NCOR2: variants seen among roughly 807,000 people sequenced by gnomAD.
The protein encoded by NCOR2 is nuclear receptor corepressor 2.
Under a neutral mutation model 262.9 loss-of-function variants are expected in NCOR2, and 81 were observed. That is an observed-to-expected ratio of 0.31 (90% CI 0.26 to 0.37). The LOEUF (loss-of-function observed/expected upper bound fraction) is 0.37, where lower values mean the gene tolerates loss of function less well. Among genes scored for constraint, NCOR2 ranks in the 10% least tolerant of loss-of-function variants. The pLI is 1.00. For synonymous variants in NCOR2, 1,659 were observed against 1,559.3 expected (o/e 1.06, Z -1.51); for missense variants, 3,385 against 3,621.4 (o/e 0.93, Z 1.68).
At chr12:124,370,232 G>A (rs1034317730) in intron 20 of NCOR2, among the ~76,000 whole-genome samples, 1 of 152,256 alleles carries the variant, frequency 6.6e-6, no homozygotes, top group African/African-American at 2.4e-5. Context: ...TCAGAAACCC[G>A]CAGGCCAGGC....
chr12:124,451,526 T>G (rs2045533461), intron 6 of NCOR2, among the ~76,000 whole-genome samples: 1 of 152,176 alleles, frequency 6.6e-6, no homozygotes, highest in African/African-American at 2.4e-5. Flanking sequence ...GGAAGGAGTC[T>G]GCTCCCCTCT....
exon 4 of NCOR2, chr12:124,473,080 G>T (rs1000023697): frequency 1.1e-5 from 18 of 1,613,928 alleles, no homozygotes; most frequent in Non-Finnish European, 1.5e-5. Flanking sequence ...GGGTCAGTGT[G>T]CGGGGGGCTG....
rs563944401 is a variant in NCOR2, at chr12:124,342,891, G to A, written c.4936+114C>T. 157 of 1,165,956 alleles carry A rather than the reference G, an allele frequency of 1.3e-4. 1 individual carries two copies. The South Asian group carries it at 2.1e-3, about 15-fold the overall frequency. 72.2% of individuals were successfully genotyped at this position (1,165,956 alleles called of 1,614,324 possible). On this transcript the variant is annotated intron_variant, in intron 33 of 46. Transcript: ENST00000405201. ...CTTCCAATCCCGAGGCCTCAGTTTC[G>A]CCATCCAGGGGAACCTGACAGTTGA...
chr12:124,385,861 A>T, exon 17 of NCOR2: 1 of 1,613,670 alleles, frequency 6.2e-7, no homozygotes, highest in South Asian at 1.1e-5. Context: ...GCGATGGCCG[A>T]CCAGTTGCGG....
intron 7 of NCOR2, among the ~76,000 whole-genome samples, chr12:124,438,956 CAGAGACAGAG>C (rs2044601884): frequency 7.8e-6 from 1 of 128,312 alleles, no homozygotes; most frequent in Non-Finnish European, 1.6e-5. Flanking sequence ...GAGAGAGACC[CAGAGACAGAG>C]GGAGACAGAG....
chr12:124,444,112 G>T (rs991916505), intron 7 of NCOR2, among the ~76,000 whole-genome samples: 1 of 152,026 alleles, frequency 6.6e-6, no homozygotes, highest in African/African-American at 2.4e-5. Context: ...TCTGGCAAAC[G>T]TTTTTTTAAG....
intron 13 of NCOR2, among the ~76,000 whole-genome samples, chr12:124,415,331 A>G (rs1291229292): frequency 1.3e-5 from 2 of 152,242 alleles, no homozygotes; most frequent in African/African-American, 2.4e-5. Context: ...GTGGCTCCAC[A>G]AATACAGCCA....
intron 3 of NCOR2, among the ~76,000 whole-genome samples, chr12:124,478,645 AG>A (rs2047233625): frequency 2.0e-5 from 3 of 152,114 alleles, no homozygotes; most frequent in Admixed American, 2.0e-4. Context: ...TACTGCGGCC[AG>A]GCTGGTCAGG....
chr12:124,400,590 T>G, exon 15 of NCOR2: 3 of 1,614,244 alleles, frequency 1.9e-6, no homozygotes, highest in Non-Finnish European at 2.5e-6. Flanking sequence ...GCGTCTTCCC[T>G]GGCTGTTGGC....
chr12:124,494,418 G>A (rs886411201), intron 1 of NCOR2, among the ~76,000 whole-genome samples: 3 of 152,330 alleles, frequency 2.0e-5, no homozygotes, highest in African/African-American at 4.8e-5. Flanking sequence ...CCAAAGGAGC[G>A]AAACCAAGGC....
intron 16 of NCOR2, among the ~76,000 whole-genome samples, chr12:124,397,808 G>T (rs972622899): frequency 6.6e-6 from 1 of 152,174 alleles, no homozygotes; most frequent in South Asian, 2.1e-4. Context: ...AGGCCCAGAG[G>T]TGCTGGCCAC....
At chr12:124,385,806 T>C (rs1220649438) in exon 17 of NCOR2, 1 of 1,613,910 alleles carries the variant, frequency 6.2e-7, no homozygotes. Flanking sequence ...GTAGTTGAAG[T>C]AGAAGTTCTT....
chr12:124,557,768 C>G (rs1031097869), intron 1 of NCOR2, among the ~76,000 whole-genome samples: 1 of 152,156 alleles, frequency 6.6e-6, no homozygotes, highest in African/African-American at 2.4e-5. Flanking sequence ...CCCAACTTCT[C>G]CCGCTTGCCT....
rs375125790 is a variant in NCOR2 at position 124,449,802 on chromosome 12, C to G, written c.815+13G>C. 6.2e-7 allele frequency: 1 copy of G among 1,613,922 alleles called. No individual in the cohort carries two copies. The highest frequency in any genetic ancestry group is 2.2e-5 in the East Asian group (1 of 44,874). On this transcript the variant is annotated intron_variant, in intron 7 of 46. Transcript: ENST00000405201. ...GCCTCTGTGTGTCTGCACGGCTGCC[C>G]GCGAGCACTCACATTTTGATGTTCT...
At chr12:124,444,024 C>T (rs923888963) in intron 7 of NCOR2, among the ~76,000 whole-genome samples, 9 of 152,176 alleles carry the variant, frequency 5.9e-5, no homozygotes, top group African/African-American at 2.2e-4. Flanking sequence ...GCCCTCCTCA[C>T]TCAAACCTTC....
At chr12:124,390,718 G>A in intron 16 of NCOR2, among the ~76,000 whole-genome samples, 1 of 152,230 alleles carries the variant, frequency 6.6e-6, no homozygotes, top group Non-Finnish European at 1.5e-5. Flanking sequence ...TATCCCCCTT[G>A]ACATCCAGGC....
At chr12:124,553,988 T>C (rs1381902397) in intron 1 of NCOR2, among the ~76,000 whole-genome samples, 2 of 152,184 alleles carry the variant, frequency 1.3e-5, no homozygotes, top group African/African-American at 4.8e-5. Context: ...GTCCTTGGCA[T>C]GGTCAGCACC....
exon 47 of NCOR2, chr12:124,325,507 G>A (rs2034547231): frequency 7.4e-7 from 1 of 1,358,644 alleles, no homozygotes; most frequent in Non-Finnish European, 9.5e-7. Context: ...CCGCGGGGAG[G>A]CCCGGTGGGG....
rs770056951 is a variant in NCOR2, at chr12:124,527,969, G to A, written c.-118+7596C>T. On this transcript the variant is annotated intron_variant, in intron 1 of 46. Transcript: ENST00000404621. ...GCGTGTGCTGTGGCCCCATCTGTGCGGGGCACCATGTTTGTCATCTACCCT... is the reference window on the plus strand; with the variant it reads ...GCGTGTGCTGTGGCCCCATCTGTGCAGGGCACCATGTTTGTCATCTACCCT... 3.3e-5 allele frequency among the ~76,000 whole-genome samples: 5 copies of A among 152,224 alleles called. No homozygotes were observed. In the East Asian group the frequency reaches 7.7e-4, roughly 23 times the overall value.
Sources: gnomAD v4.1 joint callset for allele counts (sites outside exome capture counted in the v4.1 genomes callset) on GRCh38, gnomAD v4.1.1 for gene constraint, MANE v1.5 for transcripts, NCBI Gene and HGNC (gene_info 2026-07-23, HGNC 2026-07-21) for gene names.